The following LRMDA variants were observed in gnomAD, a reference collection of about 807,000 sequenced individuals.
LRMDA encodes the protein leucine rich melanocyte differentiation associated.
Under a neutral mutation model 29.8 loss-of-function variants are expected in LRMDA, and 18 were observed. The observed-to-expected ratio is 0.60, with a 90% CI of 0.42 to 0.90. LRMDA has a LOEUF of 0.90. Ranked by LOEUF, LRMDA falls within the 40% of genes least tolerant of loss-of-function variation. The pLI is 0.00. For synonymous variants in LRMDA, 125 were observed against 109.4 expected, an observed-to-expected ratio of 1.14 and a Z score of -0.89; for missense variants, 273 against 273.9, an observed-to-expected ratio of 1.00 and a Z score of 0.02.
rs114846100 is a variant in LRMDA at position 76,069,165 on chromosome 10, C to T, written c.516+10382C>T. Among the ~76,000 whole-genome samples, 256 of 152,256 alleles carry T rather than the reference C, an allele frequency of 1.7e-3. 2 individuals carry two copies. The highest frequency in any genetic ancestry group is 5.9e-3 in the African/African-American group (246 of 41,540). On this transcript the variant is annotated intron_variant, in intron 5 of 6. Transcript: ENST00000611255. ...TGCCCACCTGTGGTCACCATAGCTTCCTTCTGGGGCCTGTATACACACTCA... is the reference window on the plus strand; with the variant it reads ...TGCCCACCTGTGGTCACCATAGCTTTCTTCTGGGGCCTGTATACACACTCA...
At chr10:75,814,798 G>A (rs1020916475) in intron 2 of LRMDA, among the ~76,000 whole-genome samples, 13 of 152,238 alleles carry the variant, frequency 8.5e-5, no homozygotes, top group African/African-American at 3.1e-4. Flanking sequence ...TGTTAGAAAT[G>A]ATGGGAAGTG....
intron 2 of LRMDA, among the ~76,000 whole-genome samples, chr10:75,646,039 C>T (rs773249411): frequency 1.6e-4 from 24 of 150,738 alleles, no homozygotes; most frequent in Non-Finnish European, 2.9e-4. Context: ...TTGTGTTGTG[C>T]CCCCACCTCC....
intron 2 of LRMDA, among the ~76,000 whole-genome samples, chr10:75,659,988 G>A (rs1200525292): frequency 6.6e-6 from 1 of 152,024 alleles, no homozygotes; most frequent in Admixed American, 6.6e-5. Flanking sequence ...GTTTTCCTAA[G>A]TCATAGGCGA....
intron 5 of LRMDA, among the ~76,000 whole-genome samples, chr10:76,224,524 G>T (rs972183666): frequency 6.6e-6 from 1 of 151,728 alleles, no homozygotes. Context: ...GTGAGCCAAG[G>T]TCATGCCACT....
intron 3 of LRMDA, among the ~76,000 whole-genome samples, chr10:76,041,253 G>C (rs1230325516): frequency 6.6e-6 from 1 of 152,182 alleles, no homozygotes; most frequent in African/African-American, 2.4e-5. Flanking sequence ...GCCCGGTGAT[G>C]GCACCTGTGC....
At chr10:76,172,206 C>T (rs1850852059) in intron 5 of LRMDA, among the ~76,000 whole-genome samples, 1 of 152,136 alleles carries the variant, frequency 6.6e-6, no homozygotes, top group African/African-American at 2.4e-5. Context: ...GCTACTAGGT[C>T]CCATCTCTCA....
chr10:75,623,048 A>G lies in LRMDA; in HGVS notation c.131+184554A>G, dbSNP rs548969700. ...CAAATAAACAGGAATCATCTGTACC[A>G]TTCTTTCAAATATATAACTCTGGGG... On this transcript the variant is annotated intron_variant, in intron 2 of 6. Coordinates refer to ENST00000611255, the MANE Select transcript of LRMDA (RefSeq NM_001305581.2). Among the ~76,000 whole-genome samples the G allele has an allele frequency of 9.2e-5, 14 of 152,348 alleles. 1 individual carries two copies. In the South Asian group the frequency reaches 2.9e-3, roughly 32 times the overall value.
chr10:75,994,451 A>T (rs1326881171), intron 2 of LRMDA, among the ~76,000 whole-genome samples: 1 of 152,204 alleles, frequency 6.6e-6, no homozygotes, highest in African/African-American at 2.4e-5. Context: ...ACTCTTCCAG[A>T]TGGAAGGTGA....
intron 6 of LRMDA, among the ~76,000 whole-genome samples, chr10:76,350,061 A>C (rs2132430676): frequency 6.6e-6 from 1 of 152,264 alleles, no homozygotes; most frequent in South Asian, 2.1e-4. Flanking sequence ...AAAGCTTGAA[A>C]GTGCCAAACA....
rs1564638461 is a variant in LRMDA at position 76,047,205 on chromosome 10, G to C, written c.300G>C (p.Val100=). 2 of 1,614,052 alleles carry C rather than the reference G, an allele frequency of 1.2e-6. No homozygotes were observed. The highest frequency in any genetic ancestry group is 1.7e-6 in the Non-Finnish European group (2 of 1,179,962). The change falls in exon 4 of 7, where the codon GTG becomes GTC. Residue 100 remains valine, a synonymous_variant. Transcript: ENST00000611255. The stretch of plus-strand genomic sequence containing the variant: ...ACCTGCTGGATCACTTGGCAGAAGT[G>C]ACACCAGCTCTGGAGTACCTCAGTC... ...LENLLDHLAE[V]TPALEYLSLL...
intron 2 of LRMDA, among the ~76,000 whole-genome samples, chr10:75,848,053 A>T (rs1245291618): frequency 6.6e-6 from 1 of 152,172 alleles, no homozygotes; most frequent in African/African-American, 2.4e-5. Flanking sequence ...TAGCACTCTC[A>T]CTTCTGTATA....
rs1844283337 is a variant in LRMDA at position 75,828,467 on chromosome 10, T to C, written c.132-207541T>C. Among the ~76,000 whole-genome samples, 2 of 152,232 alleles carry C rather than the reference T, an allele frequency of 1.3e-5. 1 individual carries two copies. Among genetic ancestry groups the C allele is most frequent in the South Asian group, 4.1e-4 (2 of 4,838 alleles). ...CTGAATTATTCCTTAATGTTTTTAA[T>C]GATTTATTATAACCACACAAATGTG... On this transcript the variant is annotated intron_variant, in intron 2 of 6. Coordinates refer to ENST00000611255, the MANE Select transcript of LRMDA (RefSeq NM_001305581.2).
chr10:75,776,014 G>A (rs765835459), intron 2 of LRMDA, among the ~76,000 whole-genome samples: 1 of 152,102 alleles, frequency 6.6e-6, no homozygotes, highest in Non-Finnish European at 1.5e-5. Flanking sequence ...AAACCATGAG[G>A]CTACTATAAT....
intron 6 of LRMDA, among the ~76,000 whole-genome samples, chr10:76,444,678 G>A (rs1248969854): frequency 1.3e-5 from 2 of 152,026 alleles, no homozygotes; most frequent in Non-Finnish European, 2.9e-5. Context: ...ACACGTTGAC[G>A]AATGCAAGAG....
chr10:76,033,341 A>G (rs867094689), intron 2 of LRMDA, among the ~76,000 whole-genome samples: 7 of 152,204 alleles, frequency 4.6e-5, no homozygotes, highest in Admixed American at 2.0e-4. Flanking sequence ...ATAACGTCAC[A>G]TAGCAAAAAG....
At chr10:76,466,590 G>A (rs1351260047) in intron 6 of LRMDA, among the ~76,000 whole-genome samples, 5 of 152,240 alleles carry the variant, frequency 3.3e-5, no homozygotes, top group African/African-American at 1.2e-4. Flanking sequence ...GAGACCAGGA[G>A]TTTGAGACCA....
chr10:75,847,518 A>G (rs938220203), intron 2 of LRMDA, among the ~76,000 whole-genome samples: 4 of 152,216 alleles, frequency 2.6e-5, no homozygotes, highest in Admixed American at 2.6e-4. Context: ...AACTACATCC[A>G]ACTTAAAAAC....
At chr10:75,648,389 G>T (rs1841555577) in intron 2 of LRMDA, among the ~76,000 whole-genome samples, 1 of 152,136 alleles carries the variant, frequency 6.6e-6, no homozygotes, top group South Asian at 2.1e-4. Context: ...ATCTGCTTGA[G>T]AATCAAAGAA....
intron 2 of LRMDA, among the ~76,000 whole-genome samples, chr10:75,774,070 C>T (rs1341035427): frequency 6.6e-6 from 1 of 152,170 alleles, no homozygotes; most frequent in East Asian, 1.9e-4. Flanking sequence ...AGTCTTCTTG[C>T]TCATCCTCTC....
Sources: gnomAD v4.1 joint callset for allele counts (sites outside exome capture counted in the v4.1 genomes callset) on GRCh38, gnomAD v4.1.1 for gene constraint, MANE v1.5 for transcripts, NCBI Gene and HGNC (gene_info 2026-07-23, HGNC 2026-07-21) for gene names.